TNS1: variants seen among roughly 807,000 people sequenced by gnomAD.
TNS1 encodes the protein tensin-1.
Under a neutral mutation model 168.6 loss-of-function variants are expected in TNS1, and 62 were observed. The ratio of observed to expected loss-of-function variants is 0.37; its 90% confidence interval spans 0.30 to 0.45. TNS1 has a LOEUF of 0.45. TNS1 is among the 20% of genes least tolerant of loss of function. TNS1 has a pLI of 1.00. For synonymous variants in TNS1, 934 were observed against 933.2 expected (o/e 1.00, Z -0.02); for missense variants, 2,240 against 2,339.4 (o/e 0.96, Z 0.88).
intron 2 of TNS1, among the ~76,000 whole-genome samples, chr2:217,983,475 A>C (rs1404304074): frequency 1.3e-5 from 2 of 152,104 alleles, no homozygotes; most frequent in African/African-American, 2.4e-5. Context: ...AGAGCCCCTT[A>C]GTGGGAAGGG....
chr2:218,026,665 C>G (rs1466725624), intron 1 of TNS1, among the ~76,000 whole-genome samples: 1 of 152,246 alleles, frequency 6.6e-6, no homozygotes, highest in Non-Finnish European at 1.5e-5. Flanking sequence ...CTACCTCCCT[C>G]CAGCCCTTTT....
chr2:217,905,695 G>A (rs1953588022), intron 6 of TNS1, among the ~76,000 whole-genome samples: 1 of 152,214 alleles, frequency 6.6e-6, no homozygotes, highest in Admixed American at 6.5e-5. Flanking sequence ...TGTGCTGGGA[G>A]TCTGCCCCTG....
Position 217,848,082 on chromosome 2 carries a change from T to G in TNS1, c.2435A>C (p.Glu812Ala), listed in dbSNP as rs750717406. Residue 812 changes from glutamate (E) to alanine (A), a missense_variant, in exon 19 of 33, where the codon GAG (glutamate) becomes GCG (alanine). By Grantham distance (107) the Glu-to-Ala change is moderately radical. Transcript: ENST00000682258. The stretch of plus-strand genomic sequence containing the variant: ...CTCAGGGAGACTGGGGATGGGGGTC[T>G]CTGCCAATGGCTGAGGGCTGGGCCT... ...ASRPSPQPLA[E>A]TPIPSLPEFP... The G allele has an allele frequency of 4.5e-6, 7 of 1,549,766 alleles. No homozygotes were observed. The South Asian group carries it at 8.7e-5, about 19-fold the overall frequency.
At chr2:217,821,001 GTC>G (rs1297500665) in intron 23 of TNS1, among the ~76,000 whole-genome samples, 1 of 152,166 alleles carries the variant, frequency 6.6e-6, no homozygotes, top group African/African-American at 2.4e-5. Context: ...GGAATGCCCT[GTC>G]TCTCTTTCTT....
intron 3 of TNS1, among the ~76,000 whole-genome samples, chr2:217,937,577 G>T (rs1304871497): frequency 2.6e-5 from 4 of 152,146 alleles, no homozygotes; most frequent in Non-Finnish European, 5.9e-5. Context: ...TCCTGCCAGC[G>T]ACTGCCAGAG....
At chr2:217,874,635 C>T (rs137962201) in intron 18 of TNS1, among the ~76,000 whole-genome samples, 12 of 152,254 alleles carry the variant, frequency 7.9e-5, no homozygotes, top group East Asian at 7.7e-4. Context: ...AAGGGGAACG[C>T]GGCTTTTTCT....
chr2:217,969,606 T>C (rs1957729364), intron 3 of TNS1, among the ~76,000 whole-genome samples: 1 of 152,164 alleles, frequency 6.6e-6, no homozygotes, highest in South Asian at 2.1e-4. Flanking sequence ...AATAACCCAA[T>C]TTTTTAAATG....
intron 3 of TNS1, among the ~76,000 whole-genome samples, chr2:217,926,071 T>C (rs1344803364): frequency 6.6e-6 from 1 of 152,116 alleles, no homozygotes; most frequent in African/African-American, 2.4e-5. Flanking sequence ...GGTGTCCTTG[T>C]AAGTAGAGGA....
chr2:217,825,148 C>A (rs1218909549), intron 22 of TNS1, among the ~76,000 whole-genome samples: 1 of 152,248 alleles, frequency 6.6e-6, no homozygotes, highest in Non-Finnish European at 1.5e-5. Flanking sequence ...GATCTACTCT[C>A]TACCCTGATC....
intron 3 of TNS1, among the ~76,000 whole-genome samples, chr2:217,957,840 C>CA (rs35149245): frequency 0.044 from 3,221 of 73,274 alleles, 62 homozygotes; most frequent in East Asian, 0.1. Flanking sequence ...AGTACTCCCG[C>CA]AAAAAAAAAA....
At chr2:217,997,711 T>C (rs893172625) in intron 1 of TNS1, among the ~76,000 whole-genome samples, 7 of 152,314 alleles carry the variant, frequency 4.6e-5, no homozygotes, top group African/African-American at 1.7e-4. Flanking sequence ...AATGGACCAA[T>C]GACAGTCACC....
chr2:218,008,512 C>G (rs1958679594), intron 1 of TNS1, among the ~76,000 whole-genome samples: 1 of 152,238 alleles, frequency 6.6e-6, no homozygotes, highest in Admixed American at 6.5e-5. Context: ...GCATCTGAAC[C>G]CAGAACCCAG....
chr2:217,814,538 C>A (rs1281183488), intron 25 of TNS1, among the ~76,000 whole-genome samples: 1 of 152,244 alleles, frequency 6.6e-6, no homozygotes. Flanking sequence ...GTCCCACACC[C>A]AGCCTTCCCC....
intron 22 of TNS1, among the ~76,000 whole-genome samples, chr2:217,825,932 G>A (rs1943553646): frequency 6.6e-6 from 1 of 152,222 alleles, no homozygotes; most frequent in Non-Finnish European, 1.5e-5. Context: ...TGGGGAACAG[G>A]ATGGCTCGCC....
intron 3 of TNS1, among the ~76,000 whole-genome samples, chr2:217,959,148 C>T (rs1957435009): frequency 6.6e-6 from 1 of 152,242 alleles, no homozygotes; most frequent in South Asian, 2.1e-4. Flanking sequence ...TAATGTAAGG[C>T]ATGCAGCTTC....
At chr2:217,806,623 G>A (rs1183288918) in intron 32 of TNS1, among the ~76,000 whole-genome samples, 1 of 152,136 alleles carries the variant, frequency 6.6e-6, no homozygotes, top group African/African-American at 2.4e-5. Context: ...CAGAGACACG[G>A]GAAATGCAGG....
intron 4 of TNS1, among the ~76,000 whole-genome samples, chr2:217,912,722 T>A (rs1954566535): frequency 6.6e-6 from 1 of 152,192 alleles, no homozygotes; most frequent in Non-Finnish European, 1.5e-5. Flanking sequence ...CATGGCAGGC[T>A]GTGAGATGGC....
At chr2:218,031,470 T>C in intron 1 of TNS1, among the ~76,000 whole-genome samples, 1 of 150,758 alleles carries the variant, frequency 6.6e-6, no homozygotes, top group Non-Finnish European at 1.5e-5. Flanking sequence ...TGTGTGTGAG[T>C]GTATGAGTGT....
chr2:217,980,929 TC>T (rs1263198517), intron 2 of TNS1, among the ~76,000 whole-genome samples: 3 of 152,160 alleles, frequency 2.0e-5, no homozygotes, highest in Non-Finnish European at 4.4e-5. Flanking sequence ...CCCAAAGTCA[TC>T]TCCTCAAAGA....
Sources: gnomAD v4.1 joint callset for allele counts (sites outside exome capture counted in the v4.1 genomes callset) on GRCh38, gnomAD v4.1.1 for gene constraint, MANE v1.5 for transcripts, NCBI Gene and HGNC (gene_info 2026-07-23, HGNC 2026-07-21) for gene names.